The following MACROD2 variants were observed in gnomAD, a reference collection of about 807,000 sequenced individuals.
The protein encoded by MACROD2 is mono-ADP ribosylhydrolase 2.
A neutral mutation model predicts 70.4 loss-of-function variants in MACROD2; 36 were observed. That is an observed-to-expected ratio of 0.51 (90% CI 0.39 to 0.68). The LOEUF (loss-of-function observed/expected upper bound fraction) is 0.68, where lower values mean the gene tolerates loss of function less well. Ranked by LOEUF, MACROD2 falls within the 30% of genes least tolerant of loss-of-function variation. MACROD2 has a pLI of 0.00. For missense variants in MACROD2, 496 were observed against 538.4 expected (o/e 0.92, Z 0.78); for synonymous variants, 172 against 178.8 (o/e 0.96, Z 0.30).
chr20:14,819,256 ACT>A (rs2072811425), intron 5 of MACROD2, among the ~76,000 whole-genome samples: 1 of 151,708 alleles, frequency 6.6e-6, no homozygotes, highest in Non-Finnish European at 1.5e-5. Context: ...ACAGAGCAAG[ACT>A]CTGCCTCAAA....
chr20:14,544,444 A>C lies in MACROD2; in HGVS notation c.301+50936A>C, dbSNP rs189072203. Among the ~76,000 whole-genome samples the C allele has an allele frequency of 6.6e-5, 10 of 152,094 alleles. No individual in the cohort carries two copies. In the East Asian group the frequency reaches 1.9e-3, roughly 29 times the overall value. On this transcript the variant is annotated intron_variant, in intron 4 of 17. Transcript: ENST00000684519. ...CTCCCATGTCTCTCTTTTTTCGGCT[A>C]TAAGGCATGGGTAATATAGCTATAT...
intron 6 of MACROD2, among the ~76,000 whole-genome samples, chr20:15,404,403 A>G (rs2045969687): frequency 1.3e-5 from 2 of 152,266 alleles, no homozygotes; most frequent in South Asian, 4.1e-4. Flanking sequence ...AATTGTAATT[A>G]GTAAACCAAC....
chr20:15,015,897 T>C (rs1386438669), intron 5 of MACROD2, among the ~76,000 whole-genome samples: 1 of 152,214 alleles, frequency 6.6e-6, no homozygotes, highest in Non-Finnish European at 1.5e-5. Flanking sequence ...TATGTTGAGT[T>C]GAAGGGAGCC....
chr20:15,497,359 C>G (rs1223445667), intron 7 of MACROD2, among the ~76,000 whole-genome samples: 1 of 151,966 alleles, frequency 6.6e-6, no homozygotes, highest in Non-Finnish European at 1.5e-5. Flanking sequence ...GTGGCATAAT[C>G]TTGGCTCACT....
intron 3 of MACROD2, among the ~76,000 whole-genome samples, chr20:14,194,040 G>A (rs927278551): frequency 6.6e-6 from 1 of 152,160 alleles, no homozygotes; most frequent in Non-Finnish European, 1.5e-5. Flanking sequence ...AATTGTTAAA[G>A]GGGTTCTGAG....
chr20:14,933,128 C>A (rs775317626), intron 5 of MACROD2, among the ~76,000 whole-genome samples: 1 of 151,780 alleles, frequency 6.6e-6, no homozygotes, highest in African/African-American at 2.4e-5. Flanking sequence ...CAACATCATG[C>A]TTCATGGCTT....
intron 8 of MACROD2, among the ~76,000 whole-genome samples, chr20:15,519,114 CCTTCCTTTCT>C (rs1568863492): frequency 3.6e-5 from 4 of 111,150 alleles, no homozygotes; most frequent in African/African-American, 1.6e-4. Context: ...TTCCTTCCTT[CCTTCCTTTCT>C]TTCTTTCTTT....
intron 6 of MACROD2, among the ~76,000 whole-genome samples, chr20:15,346,535 A>AATGGACTGG (rs2078168349): frequency 6.6e-6 from 1 of 152,126 alleles, no homozygotes; most frequent in African/African-American, 2.4e-5. Context: ...TCGTTCATAG[A>AATGGACTGG]GCTGGCTGGG....
intron 5 of MACROD2, among the ~76,000 whole-genome samples, chr20:15,052,999 A>G (rs2075454780): frequency 6.6e-6 from 1 of 152,242 alleles, no homozygotes; most frequent in Admixed American, 6.5e-5. Flanking sequence ...ACATTTCCTT[A>G]AACCAAACCC....
intron 5 of MACROD2, among the ~76,000 whole-genome samples, chr20:14,889,105 A>G (rs1368095890): frequency 1.3e-5 from 2 of 152,144 alleles, no homozygotes; most frequent in Non-Finnish European, 2.9e-5. Flanking sequence ...AATAGAAACA[A>G]TTTTTGCAGA....
At chr20:15,765,328 T>G (rs1011811033) in intron 8 of MACROD2, among the ~76,000 whole-genome samples, 6 of 152,224 alleles carry the variant, frequency 3.9e-5, no homozygotes, top group African/African-American at 9.6e-5. Context: ...CCTGCTGAAA[T>G]TTATAATTCT....
rs142440165 is a variant in MACROD2, at chr20:15,863,795, G to A, written c.727+969G>A. Among the ~76,000 whole-genome samples, 761 of 152,316 alleles carry A rather than the reference G, an allele frequency of 5.0e-3. 4 individuals are homozygous for A. Among genetic ancestry groups the A allele is most frequent in the Middle Eastern group, 0.027 (8 of 294 alleles). On this transcript the variant is annotated intron_variant, in intron 9 of 17. Coordinates refer to ENST00000684519, the MANE Select transcript of MACROD2 (RefSeq NM_001351661.2). ...AAGAGGATGCCTTGCCTGTAGATCA[G>A]AGTAGGATGTGTTCTATCCAGAACA...
chr20:15,520,760 C>T lies in MACROD2; in HGVS notation c.645+20913C>T, dbSNP rs529172774. Among the ~76,000 whole-genome samples the T allele has an allele frequency of 1.3e-3, 205 of 152,328 alleles. 2 individuals are homozygous for T. The highest frequency in any genetic ancestry group is 4.9e-3 in the African/African-American group (202 of 41,572). ...GAAGAGACTACACACATGTATGAAA[C>T]AGCAGGTGGGGTTTAGATATTCTCT... On this transcript the variant is annotated intron_variant, in intron 8 of 17. Coordinates refer to ENST00000684519, the MANE Select transcript of MACROD2 (RefSeq NM_001351661.2).
intron 4 of MACROD2, among the ~76,000 whole-genome samples, chr20:14,516,248 A>G (rs2085098669): frequency 1.3e-5 from 2 of 151,888 alleles, no homozygotes; most frequent in Non-Finnish European, 2.9e-5. Flanking sequence ...AATTTTTAAA[A>G]ATGTAATTTT....
In MACROD2 at chr20:14,003,038, A is replaced by G. The variant is rs1214538145; in HGVS notation, c.163+634A>G. 3.9e-5 allele frequency among the ~76,000 whole-genome samples: 6 copies of G among 152,242 alleles called. No homozygotes were observed. In the East Asian group the frequency reaches 7.7e-4, roughly 20 times the overall value. On this transcript the variant is annotated intron_variant, in intron 2 of 17. Transcript: ENST00000684519. Reference sequence around the variant, plus strand: ...ATAATAGATTTAATGGATGTTTAATATGCTTGTCTTTGAATTAACACTCGT... The same window carrying G: ...ATAATAGATTTAATGGATGTTTAATGTGCTTGTCTTTGAATTAACACTCGT...
At chr20:14,230,693 ATATATATG>A (rs1294613294) in intron 3 of MACROD2, among the ~76,000 whole-genome samples, 1 of 123,182 alleles carries the variant, frequency 8.1e-6, no homozygotes, top group East Asian at 2.6e-4. Flanking sequence ...ATATATATAT[ATATATATG>A]GGCCCAGCCT....
At chr20:14,017,682 T>G (rs532455387) in intron 2 of MACROD2, among the ~76,000 whole-genome samples, 2 of 152,284 alleles carry the variant, frequency 1.3e-5, no homozygotes, top group South Asian at 4.1e-4. Context: ...TGTATTCCTT[T>G]TAAGATGCTG....
intron 7 of MACROD2, among the ~76,000 whole-genome samples, chr20:15,432,348 C>G (rs762226192): frequency 6.6e-6 from 1 of 151,934 alleles, no homozygotes; most frequent in Non-Finnish European, 1.5e-5. Flanking sequence ...TAGGCCTGAA[C>G]CAAATTAAGT....
intron 4 of MACROD2, among the ~76,000 whole-genome samples, chr20:14,582,918 A>G (rs1472043526): frequency 6.6e-6 from 1 of 152,148 alleles, no homozygotes; most frequent in Non-Finnish European, 1.5e-5. Context: ...ATACACATCA[A>G]GTGAAATTGT....
Sources: allele counts gnomAD v4.1 joint callset (sites outside exome capture counted in the v4.1 genomes callset), GRCh38; gene constraint gnomAD v4.1.1; transcripts MANE v1.5; gene names NCBI Gene and HGNC (gene_info 2026-07-23, HGNC 2026-07-21).